Variants in SPRY3 observed in about 807,000 individuals in gnomAD.
The protein encoded by SPRY3 is protein sprouty homolog 3.
A neutral mutation model predicts 20.2 loss-of-function variants in SPRY3; 15 were observed. The ratio of observed to expected loss-of-function variants is 0.74; its 90% CI spans 0.50 to 1.14. The LOEUF (loss-of-function observed/expected upper bound fraction) is 1.14. Ranked by LOEUF, SPRY3 falls within the 50% of genes most tolerant of loss-of-function variation. SPRY3 has a pLI of 0.00. For missense variants in SPRY3, 364 were observed against 363.9 expected (o/e 1.00, Z 0.00); for synonymous variants, 143 against 136.5 (o/e 1.05, Z -0.33).
chrX:155,750,341 G>C (rs769435492), intron 2 of SPRY3, among the ~76,000 whole-genome samples: 1 of 151,690 alleles, frequency 6.6e-6, no homozygotes, highest in Non-Finnish European at 1.5e-5. Flanking sequence ...TCACTACCTG[G>C]GTGACGGGAT....
intron 2 of SPRY3, among the ~76,000 whole-genome samples, chrX:155,734,740 T>G (rs1279536585): frequency 2.0e-5 from 3 of 152,068 alleles, no homozygotes; most frequent in Non-Finnish European, 4.4e-5. Flanking sequence ...AATTTCTATC[T>G]TCTTTTTTTC....
chrX:155,642,740 T>C (rs146278275), intron 1 of SPRY3, among the ~76,000 whole-genome samples: 227 of 112,184 alleles, frequency 2.0e-3, no homozygotes, highest in African/African-American at 7.1e-3. Flanking sequence ...GACTCACTGG[T>C]CATTTAAGAG....
At chrX:155,628,236 G>A (rs918745649) in intron 1 of SPRY3, among the ~76,000 whole-genome samples, 3 of 111,909 alleles carry the variant, frequency 2.7e-5, no homozygotes, top group Admixed American at 9.5e-5. Flanking sequence ...TTGCCACACC[G>A]TCTCCCACAA....
At chrX:155,748,444 G>A (rs1428591189) in intron 2 of SPRY3, among the ~76,000 whole-genome samples, 4 of 151,760 alleles carry the variant, frequency 2.6e-5, no homozygotes, top group Non-Finnish European at 5.9e-5. Flanking sequence ...CAAAAGAGAG[G>A]ACTTCCAAGA....
chrX:155,749,521 T>C (rs974246189), intron 2 of SPRY3, among the ~76,000 whole-genome samples: 1 of 151,548 alleles, frequency 6.6e-6, no homozygotes, highest in African/African-American at 2.4e-5. Context: ...AAGAGAAAAA[T>C]ATTCTGAGCA....
At chrX:155,613,542 G>A (rs1236518650) in intron 1 of SPRY3, among the ~76,000 whole-genome samples, 1 of 111,762 alleles carries the variant, frequency 8.9e-6, no homozygotes, top group African/African-American at 3.3e-5. Context: ...CTGAAAATGG[G>A]AAATTGTGCA....
intron 1 of SPRY3, among the ~76,000 whole-genome samples, chrX:155,629,938 C>A (rs1231494420): frequency 8.9e-6 from 1 of 111,786 alleles, no homozygotes; most frequent in Admixed American, 9.5e-5. Flanking sequence ...ACTTTTGTTG[C>A]CTGTGCTTTT....
intron 1 of SPRY3, among the ~76,000 whole-genome samples, chrX:155,653,925 C>T (rs1332862035): frequency 8.9e-6 from 1 of 111,855 alleles, no homozygotes; most frequent in Admixed American, 9.5e-5. Context: ...TGGACACCCA[C>T]TTGGTGTCCT....
At chrX:155,774,031 T>C (rs769889810) in exon 4 of SPRY3, 1 of 1,613,938 alleles carries the variant, frequency 6.2e-7, no homozygotes, top group South Asian at 1.1e-5. Context: ...GTCTGATTGG[T>C]CTCTGGCTAC....
intron 2 of SPRY3, among the ~76,000 whole-genome samples, chrX:155,720,405 TG>T (rs2091049535): frequency 6.6e-6 from 1 of 152,176 alleles, no homozygotes. Context: ...CAGGCCTGTC[TG>T]GTTTTGCCAC....
intron 1 of SPRY3, among the ~76,000 whole-genome samples, chrX:155,618,618 G>A (rs1321164809): frequency 3.6e-5 from 4 of 111,688 alleles, no homozygotes; most frequent in Non-Finnish European, 7.5e-5. Context: ...CCGTCTTCCA[G>A]AGTGGCTGTA....
chrX:155,697,471 C>A (rs1295682284), intron 2 of SPRY3, among the ~76,000 whole-genome samples: 2 of 105,633 alleles, frequency 1.9e-5, no homozygotes, highest in East Asian at 2.9e-4. Flanking sequence ...AACACACGAG[C>A]CAATTAGCCA....
intron 2 of SPRY3, among the ~76,000 whole-genome samples, chrX:155,759,916 T>TA (rs1412026322): frequency 3.3e-5 from 5 of 152,288 alleles, no homozygotes; most frequent in Non-Finnish European, 7.4e-5. Flanking sequence ...TTGAAAAAAA[T>TA]ACTTCCTCCA....
chrX:155,711,849 T>G (rs2090989279), intron 2 of SPRY3, among the ~76,000 whole-genome samples: 1 of 151,546 alleles, frequency 6.6e-6, no homozygotes. Flanking sequence ...TAGCTATAAA[T>G]TTTTCTCTAG....
intron 2 of SPRY3, among the ~76,000 whole-genome samples, chrX:155,686,053 C>T (rs1041846790): frequency 8.9e-6 from 1 of 111,845 alleles, no homozygotes; most frequent in Non-Finnish European, 1.9e-5. Context: ...GGATTATAGG[C>T]GTGCACCACT....
At chrX:155,671,665 A>G (rs2068041220) in intron 2 of SPRY3, among the ~76,000 whole-genome samples, 1 of 110,779 alleles carries the variant, frequency 9.0e-6, no homozygotes, top group Non-Finnish European at 1.9e-5. Context: ...ATAAAACCTT[A>G]AGACAGTTTC....
intron 2 of SPRY3, among the ~76,000 whole-genome samples, chrX:155,667,169 A>G (rs2068027030): frequency 9.0e-6 from 1 of 111,510 alleles, no homozygotes; most frequent in African/African-American, 3.2e-5. Context: ...AACAGATAAA[A>G]TGAACAAAAC....
chrX:155,768,594 T>C (rs1048385561), intron 3 of SPRY3, among the ~76,000 whole-genome samples: 3 of 152,126 alleles, frequency 2.0e-5, no homozygotes, highest in Non-Finnish European at 4.4e-5. Flanking sequence ...TGTGCATCGT[T>C]CAGATTTCAT....
At chrX:155,779,298 T>G (rs1359061048), downstream of SPRY3, 1 of 167,044 alleles carries the variant, frequency 6.0e-6, no homozygotes, top group African/African-American at 2.4e-5. Context: ...GAGATTAAAT[T>G]TAAAGTGCTA....
Sources: allele counts gnomAD v4.1 joint callset (sites outside exome capture counted in the v4.1 genomes callset), GRCh38; gene constraint gnomAD v4.1.1; transcripts MANE v1.5; gene names NCBI Gene and HGNC (gene_info 2026-07-23, HGNC 2026-07-21).